Variants in NSUN6 observed in about 807,000 individuals in gnomAD.
NSUN6 encodes tRNA (cytosine(72)-C(5))-methyltransferase NSUN6.
In NSUN6, 64 loss-of-function variants were observed where a neutral mutation model predicts 58.0. That is an observed-to-expected ratio of 1.10 (90% CI 0.90 to 1.36). NSUN6 has a LOEUF of 1.36. Ranked by LOEUF, NSUN6 falls within the 40% of genes most tolerant of loss-of-function variation. NSUN6 has a pLI of 0.00. For missense variants in NSUN6, 701 were observed against 550.1 expected (o/e 1.27, Z -2.74); for synonymous variants, 231 against 193.9 (o/e 1.19, Z -1.59).
chr10:18,619,012 C>G (rs1348325254), intron 3 of NSUN6, among the ~76,000 whole-genome samples: 1 of 152,132 alleles, frequency 6.6e-6, no homozygotes. Flanking sequence ...CTCAGCTGAT[C>G]TTGGAAGAAA....
intron 3 of NSUN6, 105 bp downstream of exon 3, chr10:18,642,371 T>C (rs1366805129): frequency 3.1e-6 from 2 of 650,298 alleles, no homozygotes; most frequent in African/African-American, 3.7e-5. Flanking sequence ...TATAGAAAGT[T>C]GCTAACAATG....
intron 2 of NSUN6, among the ~76,000 whole-genome samples, chr10:18,647,908 TTA>T (rs2059595356): frequency 1.3e-5 from 2 of 152,208 alleles, no homozygotes; most frequent in South Asian, 2.1e-4. Context: ...AATAATTTTT[TTA>T]TATGTTTTAG....
chr10:18,631,208 T>A (rs1324484354), intron 3 of NSUN6, among the ~76,000 whole-genome samples: 17 of 151,892 alleles, frequency 1.1e-4, no homozygotes, highest in Non-Finnish European at 5.9e-5. Flanking sequence ...CAATAACCCT[T>A]CATGCTAAAA....
chr10:18,561,645 T>TATGGAAAATGGAATGGA (rs2055518104), intron 8 of NSUN6, among the ~76,000 whole-genome samples: 1 of 117,814 alleles, frequency 8.5e-6, no homozygotes, highest in Non-Finnish European at 1.8e-5. Flanking sequence ...TGGAGGATGG[T>TATGGAAAATGGAATGGA]ATGGAAAATG....
chr10:18,548,153 A>G lies in NSUN6; in HGVS notation c.1156T>C (p.Trp386Arg). The stretch of plus-strand genomic sequence containing the variant: ...AGGCAAGGAAATTTTGTCAGGGCCC[A>G]GGCAACCTGTTCTTCATTTTCGGCC... The part of the protein sequence containing the change: ...TLAENEEQVA[W>R]ALTKFPCLQL... Residue 386 changes from tryptophan (W) to arginine (R), a missense_variant, in exon 10 of 11, where the codon TGG (tryptophan) becomes CGG (arginine). Physicochemically the swap from Trp to Arg is moderately radical, Grantham distance 101. Coordinates refer to ENST00000377304, the MANE Select transcript of NSUN6 (RefSeq NM_182543.5). 6.2e-7 allele frequency: 1 copy of G among 1,613,904 alleles called. No homozygotes were observed. The highest frequency in any genetic ancestry group is 8.5e-7 in the Non-Finnish European group (1 of 1,179,890).
intron 3 of NSUN6, among the ~76,000 whole-genome samples, chr10:18,633,410 T>C (rs550697380): frequency 5.9e-5 from 8 of 135,702 alleles, no homozygotes; most frequent in African/African-American, 1.7e-4. Flanking sequence ...ACTTAAAGTA[T>C]AATAATAATA....
intron 3 of NSUN6, among the ~76,000 whole-genome samples, chr10:18,627,836 C>T (rs1183433036): frequency 6.6e-6 from 1 of 152,230 alleles, no homozygotes; most frequent in Non-Finnish European, 1.5e-5. Flanking sequence ...GGGGGAGGGG[C>T]GCCAGCCATT....
chr10:18,624,718 G>GA (rs907148111), intron 3 of NSUN6, among the ~76,000 whole-genome samples: 47 of 132,150 alleles, frequency 3.6e-4, no homozygotes, highest in Non-Finnish European at 4.5e-4. Flanking sequence ...TATGTTAACA[G>GA]AAAAAAAAAA....
At chr10:18,620,416 GA>G (rs982964502) in intron 3 of NSUN6, among the ~76,000 whole-genome samples, 223 of 151,532 alleles carry the variant, frequency 1.5e-3, no homozygotes, top group African/African-American at 5.1e-3. Flanking sequence ...TTAAGTCTAT[GA>G]AAAAAAAATT....
At chr10:18,555,384 G>A (rs890527387) in intron 8 of NSUN6, among the ~76,000 whole-genome samples, 1 of 151,314 alleles carries the variant, frequency 6.6e-6, no homozygotes, top group African/African-American at 2.4e-5. Flanking sequence ...AGAATGGAAT[G>A]GAATCGAATG....
At chr10:18,573,413 C>T (rs184833451) in intron 8 of NSUN6, among the ~76,000 whole-genome samples, 7 of 151,292 alleles carry the variant, frequency 4.6e-5, no homozygotes, top group Middle Eastern at 3.4e-3. Flanking sequence ...TCCATTCCAT[C>T]GGTTCCATTT....
intron 6 of NSUN6, among the ~76,000 whole-genome samples, chr10:18,600,992 A>ACAC (rs2057816233): frequency 7.5e-6 from 1 of 133,630 alleles, no homozygotes; most frequent in Non-Finnish European, 1.6e-5. Context: ...ATATATATAT[A>ACAC]TTATATACTA....
chr10:18,580,820 CTGTT>C (rs557720622), intron 8 of NSUN6, among the ~76,000 whole-genome samples: 1 of 152,308 alleles, frequency 6.6e-6, no homozygotes, highest in African/African-American at 2.4e-5. Flanking sequence ...AGGAGTAACT[CTGTT>C]TGGGTCTGCA....
rs556264545 is a variant in NSUN6, at chr10:18,606,581, T to C, written c.657+3264A>G. 9.2e-4 allele frequency among the ~76,000 whole-genome samples: 140 copies of C among 152,314 alleles called. 1 individual carries two copies. The South Asian group carries it at 0.01, about 11-fold the overall frequency. ...TTCATAACGTAGTAACACACCAGTG[T>C]TGGTTTCTAAGCTGTATCAAATGTA... On this transcript the variant is annotated intron_variant, in intron 6 of 10. Coordinates refer to ENST00000377304, the MANE Select transcript of NSUN6 (RefSeq NM_182543.5).
At chr10:18,616,867 C>G (rs1393254016) in intron 3 of NSUN6, among the ~76,000 whole-genome samples, 2 of 152,126 alleles carry the variant, frequency 1.3e-5, no homozygotes, top group East Asian at 3.9e-4. Context: ...AAATAAAAAC[C>G]CTTAACAATG....
intron 6 of NSUN6, among the ~76,000 whole-genome samples, chr10:18,598,949 A>G (rs991598233): frequency 1.3e-5 from 2 of 152,254 alleles, no homozygotes; most frequent in Admixed American, 6.5e-5. Flanking sequence ...CAAACATAAG[A>G]AATACATTAA....
At chr10:18,572,763 C>T (rs569362458) in intron 8 of NSUN6, among the ~76,000 whole-genome samples, 3 of 150,932 alleles carry the variant, frequency 2.0e-5, no homozygotes, top group South Asian at 4.2e-4. Context: ...CCATTCCATT[C>T]CCCATTCCAT....
At chr10:18,561,852 G>A (rs973861626) in intron 8 of NSUN6, among the ~76,000 whole-genome samples, 4 of 150,600 alleles carry the variant, frequency 2.7e-5, no homozygotes, top group Non-Finnish European at 5.9e-5. Flanking sequence ...AGAATGAAAC[G>A]TAATGCAGGC....
chr10:18,656,356 G>GTGAAAC (rs948508255), upstream of NSUN6, among the ~76,000 whole-genome samples: 1 of 152,190 alleles, frequency 6.6e-6, no homozygotes, highest in African/African-American at 2.4e-5. Flanking sequence ...GACCAACATG[G>GTGAAAC]TGAAACCCCA....
Sources: gnomAD v4.1 joint callset for allele counts (sites outside exome capture counted in the v4.1 genomes callset) on GRCh38, gnomAD v4.1.1 for gene constraint, MANE v1.5 for transcripts, NCBI Gene and HGNC (gene_info 2026-07-23, HGNC 2026-07-21) for gene names.